TTC39C: variants seen among roughly 807,000 people sequenced by gnomAD.
TTC39C encodes the protein tetratricopeptide repeat domain 39C, also known as tetratricopeptide repeat protein 39C.
TTC39C carries 33 observed loss-of-function variants against 76.3 expected under a neutral mutation model. That is an observed-to-expected ratio of 0.43 (90% CI 0.33 to 0.58). The LOEUF (loss-of-function observed/expected upper bound fraction) is 0.58, where lower values mean the gene tolerates loss of function less well. Among genes scored for constraint, TTC39C ranks in the 20% least tolerant of loss-of-function variants. The probability of loss-of-function intolerance (pLI) is 0.04; values close to 1 mark genes in which losing one functional copy is unlikely to be tolerated. For missense variants in TTC39C, 595 were observed against 701.4 expected (o/e 0.85, Z 1.71); for synonymous variants, 254 against 260.6 (o/e 0.97, Z 0.24).
At chr18:24,054,509 C>T (rs979310063) in intron 1 of TTC39C, among the ~76,000 whole-genome samples, 1 of 152,148 alleles carries the variant, frequency 6.6e-6, no homozygotes, top group African/African-American at 2.4e-5. Context: ...TTCAACTCCC[C>T]CCTGTACACA....
intron 1 of TTC39C, among the ~76,000 whole-genome samples, chr18:23,999,297 G>A (rs972037754): frequency 1.3e-5 from 2 of 152,146 alleles, no homozygotes; most frequent in Non-Finnish European, 2.9e-5. Context: ...AGGGTGAGGG[G>A]AAGGGAGTCA....
chr18:24,005,942 A>T (rs188949125), intron 1 of TTC39C, among the ~76,000 whole-genome samples: 1 of 152,210 alleles, frequency 6.6e-6, no homozygotes, highest in East Asian at 1.9e-4. Flanking sequence ...TCTAATTTAG[A>T]ACATTTTCAA....
Position 24,000,845 on chromosome 18 carries a change from C to T in TTC39C, c.-17+7807C>T, listed in dbSNP as rs75151696. 3.6e-3 allele frequency among the ~76,000 whole-genome samples: 549 copies of T among 152,242 alleles called. 20 individuals are homozygous for T. In the East Asian group the frequency reaches 0.089, roughly 25 times the overall value. The stretch of plus-strand genomic sequence containing the variant: ...CCCCCAAATTGTGTGGGTCCTGTCA[C>T]CTGGTTATCCCAGTAATCTCGTGAA... On this transcript the variant is annotated intron_variant, in intron 1 of 13. Transcript: ENST00000304621.
intron 4 of TTC39C, among the ~76,000 whole-genome samples, chr18:24,079,564 G>A (rs2084350628): frequency 6.6e-6 from 1 of 152,154 alleles, no homozygotes; most frequent in Admixed American, 6.5e-5. Flanking sequence ...TGGGGCAGTG[G>A]ATAAACCCCA....
In TTC39C at chr18:24,111,150, C is replaced by T. The variant is rs558079945; in HGVS notation, c.985-3404C>T. Among the ~76,000 whole-genome samples the T allele has an allele frequency of 7.3e-4, 111 of 152,222 alleles. 1 individual carries two copies. The highest frequency in any genetic ancestry group is 1.6e-3 in the Admixed American group (25 of 15,304). ...GGACTACAGACATGTGCCACCACGC[C>T]CAGCTAATTTTTTGTATTTTTAGTA... is the stretch of plus-strand genomic sequence containing the variant. On this transcript the variant is annotated intron_variant, in intron 6 of 13. Coordinates refer to ENST00000317571, the MANE Select transcript of TTC39C (RefSeq NM_001135993.2).
intron 6 of TTC39C, among the ~76,000 whole-genome samples, chr18:24,109,294 A>G (rs1458531249): frequency 6.6e-6 from 1 of 151,990 alleles, no homozygotes; most frequent in Non-Finnish European, 1.5e-5. Flanking sequence ...AGTTCAAGGC[A>G]TTCCAGCCTG....
intron 1 of TTC39C, among the ~76,000 whole-genome samples, chr18:24,021,641 G>A (rs1448399971): frequency 6.6e-6 from 1 of 150,742 alleles, no homozygotes; most frequent in Non-Finnish European, 1.5e-5. Context: ...CGCCTCCTGG[G>A]TTCAAGGGAT....
chr18:24,125,611 C>A (rs759918426), intron 10 of TTC39C, 61 bp downstream of exon 10: 3 of 1,587,526 alleles, frequency 1.9e-6, no homozygotes, highest in Middle Eastern at 1.7e-4. Context: ...TCTGTCAGTG[C>A]GGCATTCTTC....
At chr18:24,114,674 C>G (rs1483659482) in intron 7 of TTC39C, 27 bp downstream of exon 7, 1 of 1,555,188 alleles carries the variant, frequency 6.4e-7, no homozygotes, top group Admixed American at 1.7e-5. Context: ...TGTCCAGCCT[C>G]TTGTTAAGAA....
chr18:24,046,633 C>T (rs1429052832), intron 1 of TTC39C, among the ~76,000 whole-genome samples: 1 of 151,792 alleles, frequency 6.6e-6, no homozygotes, highest in African/African-American at 2.4e-5. Flanking sequence ...CTGTATTCCT[C>T]AATATTCTAG....
chr18:24,125,902 G>A (rs2085044907), intron 10 of TTC39C, among the ~76,000 whole-genome samples: 1 of 152,194 alleles, frequency 6.6e-6, no homozygotes, highest in Admixed American at 6.5e-5. Flanking sequence ...AGATACTAAA[G>A]TGTGGCCTGG....
At chr18:24,131,966 A>G (rs2145834772) in intron 13 of TTC39C, 46 bp downstream of exon 13, 1 of 1,550,958 alleles carries the variant, frequency 6.4e-7, no homozygotes, top group South Asian at 1.1e-5. Flanking sequence ...TTCTTATCCC[A>G]TACACTGTAT....
At position 24,134,689 on chromosome 18, in the gene TTC39C, A is replaced by G. The variant is rs2085180190; in HGVS notation, c.*2115A>G. The G allele has an allele frequency of 6.6e-6, 1 of 152,106 alleles. No individual in the cohort carries two copies. The highest frequency in any genetic ancestry group is 1.5e-5 in the Non-Finnish European group (1 of 68,008). 9.4% of individuals were successfully genotyped at this position (152,106 alleles called of 1,614,324 possible). On this transcript the variant is annotated 3_prime_UTR_variant, in exon 14 of 14. Coordinates refer to ENST00000317571, the MANE Select transcript of TTC39C (RefSeq NM_001135993.2). ...AGCATAGGTGACAAGCTTTTCTGTC[A>G]TCATCATGGAGCATTCTGAATCATG... is the stretch of plus-strand genomic sequence containing the variant.
Position 24,019,982 on chromosome 18 carries a change from T to G in TTC39C, c.167+4944T>G. The G allele has an allele frequency of 2.1e-6, 3 of 1,461,482 alleles. No homozygotes were observed. The South Asian group carries it at 4.2e-5, about 21-fold the overall frequency. 90.5% of individuals were successfully genotyped at this position (1,461,482 alleles called of 1,614,324 possible). On this transcript the variant is annotated intron_variant, in intron 1 of 13. Coordinates refer to ENST00000317571, the MANE Select transcript of TTC39C (RefSeq NM_001135993.2). ...CTCTGCCTAAAACCATGTCAGATTC[T>G]TGGGAGGACTGGAAGGACTTGCAGG...
At chr18:24,095,095 T>C (rs1265251955) in intron 6 of TTC39C, among the ~76,000 whole-genome samples, 1 of 152,168 alleles carries the variant, frequency 6.6e-6, no homozygotes, top group African/African-American at 2.4e-5. Context: ...TTTCTTGCTA[T>C]GGCTTCTCCA....
chr18:24,072,740 A>G (rs187634895), intron 4 of TTC39C, among the ~76,000 whole-genome samples: 6 of 152,350 alleles, frequency 3.9e-5, no homozygotes, highest in African/African-American at 9.6e-5. Context: ...CAGCAAGAAT[A>G]TATTACTTTT....
At chr18:24,106,054 T>C (rs926401847) in intron 6 of TTC39C, among the ~76,000 whole-genome samples, 4 of 151,966 alleles carry the variant, frequency 2.6e-5, no homozygotes, top group African/African-American at 9.7e-5. Flanking sequence ...TATGAGGGAG[T>C]CAGGACCCAC....
At chr18:23,997,544 T>G (rs1413216053) in intron 1 of TTC39C, among the ~76,000 whole-genome samples, 2 of 80,298 alleles carry the variant, frequency 2.5e-5, no homozygotes, top group Non-Finnish European at 4.3e-5. Flanking sequence ...AGAGCAAGTC[T>G]CTGTCTCAAA....
chr18:24,077,781 T>G (rs140599083), intron 4 of TTC39C, among the ~76,000 whole-genome samples: 34 of 152,332 alleles, frequency 2.2e-4, no homozygotes, highest in African/African-American at 8.2e-4. Context: ...AGTTTCTATT[T>G]TTTTCTGCTT....
Sources: allele counts gnomAD v4.1 joint callset (sites outside exome capture counted in the v4.1 genomes callset), GRCh38; gene constraint gnomAD v4.1.1; transcripts MANE v1.5; gene names NCBI Gene and HGNC (gene_info 2026-07-23, HGNC 2026-07-21).